Variants in YEATS4 observed in about 807,000 individuals in gnomAD.
YEATS4 encodes the protein YEATS domain containing 4, also known as YEATS domain-containing protein 4.
Under a neutral mutation model 30.1 loss-of-function variants are expected in YEATS4, and 17 were observed. The observed-to-expected ratio is 0.56, with a 90% CI of 0.39 to 0.85. YEATS4 has a LOEUF of 0.85. Ranked by LOEUF, YEATS4 falls within the 40% of genes least tolerant of loss-of-function variation. The pLI is 0.00. For synonymous variants in YEATS4, 85 were observed against 87.5 expected, an observed-to-expected ratio of 0.97 and a Z score of 0.16; for missense variants, 142 against 268.3, an observed-to-expected ratio of 0.53 and a Z score of 3.29.
intron 6 of YEATS4, among the ~76,000 whole-genome samples, chr12:69,385,275 A>G (rs1286893022): frequency 7.2e-6 from 1 of 139,462 alleles, no homozygotes. Context: ...AGGAATTTTA[A>G]ATAGTTGTAC....
At chr12:69,420,880 G>C in the YEATS4 span, among the ~76,000 whole-genome samples, 2 of 152,170 alleles carry the variant, frequency 1.3e-5, no homozygotes, top group African/African-American at 4.8e-5. Context: ...TCTGGATGCT[G>C]TACATGGATG....
chr12:69,402,320 C>G, the YEATS4 span, among the ~76,000 whole-genome samples: 1 of 103,628 alleles, frequency 9.6e-6, no homozygotes, highest in African/African-American at 3.3e-5. Flanking sequence ...TAGATTTGGC[C>G]TAAAATGGGG....
chr12:69,362,780 T>C lies in YEATS4; in HGVS notation c.52-8T>C. On this transcript the variant is annotated splice_polypyrimidine_tract_variant and splice_region_variant and intron_variant, in intron 1 of 6. Transcript: ENST00000247843. ...TATTCATTTATTTTAAAATTATTTT[T>C]CTTTTAGGGTGTTACTATCGTTAAA... 6.3e-7 allele frequency: 1 copy of C among 1,588,600 alleles called. No homozygotes were observed. The highest frequency in any genetic ancestry group is 1.1e-5 in the South Asian group (1 of 87,502).
chr12:69,388,048 AT>A (rs796593282), intron 6 of YEATS4, among the ~76,000 whole-genome samples: 16 of 72,256 alleles, frequency 2.2e-4, no homozygotes, highest in South Asian at 3.9e-4. Context: ...GAATTTTTTT[AT>A]TTTTTTTATT....
At chr12:69,364,668 G>A (rs1565674837) in intron 2 of YEATS4, among the ~76,000 whole-genome samples, 2 of 152,184 alleles carry the variant, frequency 1.3e-5, no homozygotes. Flanking sequence ...TGCCCTGGCT[G>A]GAATGCAATG....
the YEATS4 span, among the ~76,000 whole-genome samples, chr12:69,400,623 G>A: frequency 1.3e-5 from 2 of 151,472 alleles, no homozygotes; most frequent in African/African-American, 4.9e-5. Context: ...TAAGGCATGA[G>A]GATCACATGA....
intron 6 of YEATS4, among the ~76,000 whole-genome samples, chr12:69,377,003 T>C (rs572572933): frequency 2.1e-4 from 32 of 152,330 alleles, no homozygotes; most frequent in Non-Finnish European, 4.3e-4. Flanking sequence ...TTGCTCATAG[T>C]GGCCACTAAT....
chr12:69,421,922 T>G, the YEATS4 span, among the ~76,000 whole-genome samples: 1 of 152,196 alleles, frequency 6.6e-6, no homozygotes, highest in African/African-American at 2.4e-5. Flanking sequence ...CCCTATAGGC[T>G]CTATCTGGTA....
chr12:69,376,045 G>A (rs557140246), intron 6 of YEATS4, among the ~76,000 whole-genome samples: 4 of 152,166 alleles, frequency 2.6e-5, no homozygotes, highest in African/African-American at 7.2e-5. Context: ...AGCTTTTTTG[G>A]TGGAGTCTTT....
At chr12:69,386,078 A>C (rs1014446625) in intron 6 of YEATS4, among the ~76,000 whole-genome samples, 2 of 152,234 alleles carry the variant, frequency 1.3e-5, no homozygotes, top group Non-Finnish European at 1.5e-5. Context: ...TGGGAAATTA[A>C]AAACAGAAAC....
the YEATS4 span, among the ~76,000 whole-genome samples, chr12:69,416,303 T>A: frequency 6.6e-6 from 1 of 152,188 alleles, no homozygotes. Context: ...GTGTTTAATT[T>A]GTTATCTAGC....
chr12:69,383,956 G>A (rs1876176409), intron 6 of YEATS4, among the ~76,000 whole-genome samples: 1 of 152,068 alleles, frequency 6.6e-6, no homozygotes, highest in Admixed American at 6.6e-5. Context: ...AGAGGTAGAG[G>A]GATGGTAATG....
intron 6 of YEATS4, among the ~76,000 whole-genome samples, chr12:69,389,311 A>T (rs754724038): frequency 6.6e-6 from 1 of 151,630 alleles, no homozygotes; most frequent in Non-Finnish European, 1.5e-5. Context: ...TTAGCCGGGC[A>T]TGGCAGCATG....
chr12:69,393,560 A>G (rs558137157), downstream of YEATS4, among the ~76,000 whole-genome samples: 21 of 141,834 alleles, frequency 1.5e-4, no homozygotes, highest in African/African-American at 4.8e-4. Context: ...CCTGCCAACA[A>G]TTGATAAAGA....
the YEATS4 span, among the ~76,000 whole-genome samples, chr12:69,412,431 C>T: frequency 6.6e-6 from 1 of 152,198 alleles, no homozygotes; most frequent in Admixed American, 6.5e-5. Context: ...ACAGGCAGAT[C>T]ACAAGGTCAG....
downstream of YEATS4, among the ~76,000 whole-genome samples, chr12:69,394,779 T>A (rs930497068): frequency 6.6e-6 from 1 of 152,120 alleles, no homozygotes; most frequent in African/African-American, 2.4e-5. Context: ...TTTGTATATT[T>A]TGTAGAATTT....
At chr12:69,394,516 A>G (rs973733125), downstream of YEATS4, among the ~76,000 whole-genome samples, 8 of 152,248 alleles carry the variant, frequency 5.3e-5, no homozygotes, top group Non-Finnish European at 1.0e-4. Flanking sequence ...TCATCCATGT[A>G]GGATGAGATA....
chr12:69,359,979 A>G lies in YEATS4; in HGVS notation c.7A>G (p.Lys3Glu), dbSNP rs1439178127. MF[K>E]RMAEFGPDSG... ...GCTTCTTCCGTGGGACAATATGTTC[A>G]AGAGAATGGCCGAATTTGGGCCTGA... is the stretch of plus-strand genomic sequence containing the variant. Residue 3 changes from lysine (K) to glutamate (E), a missense_variant, in exon 1 of 7, where the codon AAG becomes GAG. By Grantham distance (56) the Lys-to-Glu change is moderately conservative. This residue lies in a region of YEATS4 where 25 missense variants were observed against 35.7 expected (regional missense o/e 0.70). Coordinates refer to ENST00000247843, the MANE Select transcript of YEATS4 (RefSeq NM_006530.4). The G allele has an allele frequency of 6.2e-7, 1 of 1,613,522 alleles. No individual in the cohort carries two copies. Among genetic ancestry groups the G allele is most frequent in the Middle Eastern group, 1.7e-4 (1 of 6,054 alleles).
intron 6 of YEATS4, among the ~76,000 whole-genome samples, chr12:69,384,992 G>A (rs73134220): frequency 0.055 from 8,335 of 150,878 alleles, 319 homozygotes; most frequent in Non-Finnish European, 0.082. Context: ...GACTATATTT[G>A]TCCTATTAAA....
Sources: allele counts gnomAD v4.1 joint callset (sites outside exome capture counted in the v4.1 genomes callset), GRCh38; gene constraint gnomAD v4.1.1; regional missense constraint gnomAD v4.1.1; transcripts MANE v1.5; gene names NCBI Gene and HGNC (gene_info 2026-07-23, HGNC 2026-07-21).